The following POLI variants were observed in gnomAD, a reference collection of about 807,000 sequenced individuals.
The protein encoded by POLI is DNA polymerase iota.
POLI carries 58 observed loss-of-function variants against 51.6 expected under a neutral mutation model. The observed-to-expected ratio is 1.12, with a 90% CI of 0.91 to 1.40. POLI has a LOEUF of 1.40. Ranked by LOEUF, POLI falls within the 40% of genes most tolerant of loss-of-function variation. POLI has a pLI of 0.00. For missense variants in POLI, 921 were observed against 871.3 expected, an observed-to-expected ratio of 1.06 and a Z score of -0.72; for synonymous variants, 322 against 299.7, an observed-to-expected ratio of 1.07 and a Z score of -0.77.
At chr18:54,304,931 T>C (rs1002948461) in intron 3 of POLI, among the ~76,000 whole-genome samples, 1 of 152,212 alleles carries the variant, frequency 6.6e-6, no homozygotes, top group Non-Finnish European at 1.5e-5. Flanking sequence ...CTTGAATTAA[T>C]TTTTGTATAA....
In POLI at chr18:54,277,830, G is replaced by A. The variant is rs779818486; in HGVS notation, c.534G>A (p.Val178=). 6.2e-7 allele frequency: 1 copy of A among 1,612,736 alleles called. No homozygotes were observed. Among genetic ancestry groups the A allele is most frequent in the Non-Finnish European group, 8.5e-7 (1 of 1,179,138 alleles). The change falls in exon 4 of 10, where the codon GTG becomes GTA. Residue 178 remains valine (V), a synonymous_variant. Transcript: ENST00000579534. ...LQSDELSAVT[V]SGHVYNNQSI... is the part of the protein sequence containing the mutation. ...GTGATGAACTTTCTGCGGTGACTGTGTCGGGTCATGTATACAATAATCAGT... is the reference window on the plus strand; with the variant it reads ...GTGATGAACTTTCTGCGGTGACTGTATCGGGTCATGTATACAATAATCAGT...
Position 54,291,918 on chromosome 18 carries a change from T to C in POLI, c.1284T>C (p.Leu428=). The C allele has an allele frequency of 1.9e-6, 3 of 1,609,704 alleles. No individual in the cohort carries two copies. Among genetic ancestry groups the C allele is most frequent in the Non-Finnish European group, 1.7e-6 (2 of 1,176,422 alleles). Residue 428 remains leucine (L), a synonymous_variant, in exon 9 of 10, where the codon CTT becomes CTC. Coordinates refer to ENST00000579534, the MANE Select transcript of POLI (RefSeq NM_007195.3). ...TGAATGTGAAGATGCCATTTCACCT[T>C]ACCCTTCTAAGTGTGTGCTTCTGCA... ...NMVNVKMPFH[L]TLLSVCFCNL...
rs771927201 is a variant in POLI, at chr18:54,271,357, C to G, written c.116-3C>G. 5.0e-6 allele frequency: 8 copies of G among 1,609,672 alleles called. No individual in the cohort carries two copies. The highest frequency in any genetic ancestry group is 6.8e-6 in the Non-Finnish European group (8 of 1,177,976). On this transcript the variant is annotated splice_region_variant and splice_polypyrimidine_tract_variant and intron_variant, in intron 1 of 9. Transcript: ENST00000579534. ...TCTTTTTATTTCTTTGCATATTGTG[C>G]AGGAGTTCATGATCAAGTGTTGCCC...
At chr18:54,314,507 C>T (rs1409633660) in intron 3 of POLI, among the ~76,000 whole-genome samples, 1 of 151,972 alleles carries the variant, frequency 6.6e-6, no homozygotes, top group Non-Finnish European at 1.5e-5. Context: ...AGTGGGGAGT[C>T]CCTCCTCCTC....
rs3730694 is a variant in POLI, at chr18:54,272,442, T to G, written c.241+957T>G. Among the ~76,000 whole-genome samples the G allele has an allele frequency of 1.7e-3, 262 of 152,246 alleles. 2 individuals carry two copies. Among genetic ancestry groups the G allele is most frequent in the African/African-American group, 5.8e-3 (242 of 41,532 alleles). On this transcript the variant is annotated intron_variant, in intron 2 of 9. Transcript: ENST00000579534. ...GAGGGATATGAATGCTCCATGTTTT[T>G]GGGGGAAAACGAAAGTAGTCTTTCA...
intron 3 of POLI, among the ~76,000 whole-genome samples, chr18:54,312,008 A>G (rs1178749595): frequency 1.3e-5 from 2 of 152,164 alleles, no homozygotes; most frequent in Admixed American, 6.6e-5. Flanking sequence ...ACAGAGATAT[A>G]TTGCATGATG....
chr18:54,293,645 C>G lies in POLI; in HGVS notation c.1405-4C>G. 2 of 1,539,794 alleles carry G rather than the reference C, an allele frequency of 1.3e-6. No individual in the cohort carries two copies. Among genetic ancestry groups the G allele is most frequent in the Non-Finnish European group, 1.7e-6 (2 of 1,145,026 alleles). ...TAAATTAGTCTGTTATTCTTGTGTT[C>G]TAGAAAATGAAAGACACTCATATGG... On this transcript the variant is annotated splice_region_variant and splice_polypyrimidine_tract_variant and intron_variant, in intron 9 of 9. Transcript: ENST00000579534.
rs757784947 is a variant in POLI, at chr18:54,269,645, G to A, written c.99G>A (p.Ala33=). ...CCATGGAACTGGCGGACGTGGGGGC[G>A]GCAGCCAGCTCGCAGGGTGCGCCGC... ...AWAMELADVG[A]AASSQGVHDQ... Residue 33 remains alanine (A), a synonymous_variant, in exon 1 of 10, where the codon GCG becomes GCA. Coordinates refer to ENST00000579534, the MANE Select transcript of POLI (RefSeq NM_007195.3). 1.3e-5 allele frequency: 19 copies of A among 1,508,272 alleles called. No individual in the cohort carries two copies. In the Admixed American group the frequency reaches 3.7e-4, roughly 30 times the overall value. 93.4% of individuals were successfully genotyped at this position (1,508,272 alleles called of 1,614,324 possible). A position where few individuals can be genotyped will look rare whatever the true frequency, so the allele number is the denominator to read the frequency against.
chr18:54,276,137 G>T (rs1046595772), intron 3 of POLI, among the ~76,000 whole-genome samples: 1 of 152,010 alleles, frequency 6.6e-6, no homozygotes, highest in African/African-American at 2.4e-5. Context: ...CCAACACTTT[G>T]GGAGGCTGTG....
chr18:54,318,914 T>G (rs1452182099), intron 3 of POLI, among the ~76,000 whole-genome samples: 1 of 152,232 alleles, frequency 6.6e-6, no homozygotes, highest in Non-Finnish European at 1.5e-5. Context: ...CTATAGATAC[T>G]GGAATACCTT....
chr18:54,314,033 C>T (rs1170404307), intron 3 of POLI, among the ~76,000 whole-genome samples: 2 of 152,092 alleles, frequency 1.3e-5, no homozygotes, highest in Admixed American at 1.3e-4. Flanking sequence ...TTCTGATTTT[C>T]AAAGGGAATG....
chr18:54,285,263 C>T (rs867230744), intron 7 of POLI, among the ~76,000 whole-genome samples: 7 of 152,160 alleles, frequency 4.6e-5, no homozygotes, highest in Admixed American at 6.5e-5. Flanking sequence ...GAAGACTACC[C>T]TGAAATGCCT....
rs1381248185 is a variant in POLI, at chr18:54,283,031, T to C, written c.975+16T>C. 1 of 1,505,404 alleles carries C rather than the reference T, an allele frequency of 6.6e-7. No individual in the cohort carries two copies. Among genetic ancestry groups the C allele is most frequent in the Admixed American group, 1.8e-5 (1 of 54,744 alleles). 93.3% of individuals were successfully genotyped at this position (1,505,404 alleles called of 1,614,324 possible). On this transcript the variant is annotated intron_variant, in intron 6 of 9. Coordinates refer to ENST00000579534, the MANE Select transcript of POLI (RefSeq NM_007195.3). ...ACCACCTCAGGTACATGATGATACT[T>C]ATTTTAATTAAGTACTGGTTATCAC...
intron 9 of POLI, among the ~76,000 whole-genome samples, chr18:54,292,316 A>G (rs1269688960): frequency 4.6e-5 from 7 of 152,142 alleles, no homozygotes; most frequent in Non-Finnish European, 1.0e-4. Context: ...TAGTATATAA[A>G]AATATGATGG....
chr18:54,271,658 C>T (rs1470273155), intron 2 of POLI, among the ~76,000 whole-genome samples, 173 bp downstream of exon 2: 2 of 152,152 alleles, frequency 1.3e-5, no homozygotes. Flanking sequence ...TTACAAGCCT[C>T]ATTTAATAAG....
intron 3 of POLI, among the ~76,000 whole-genome samples, chr18:54,316,972 CT>C (rs1251995323): frequency 3.1e-4 from 47 of 152,260 alleles, no homozygotes; most frequent in Admixed American, 1.7e-3. Context: ...GAGAGTAGAA[CT>C]GTTTCATCTC....
At chr18:54,303,946 G>A (rs1166500868) in intron 3 of POLI, among the ~76,000 whole-genome samples, 6 of 150,494 alleles carry the variant, frequency 4.0e-5, no homozygotes, top group Admixed American at 6.6e-5. Flanking sequence ...GGTGTGTGAT[G>A]TTCCCTGCCC....
chr18:54,309,724 G>A (rs562624202), intron 3 of POLI, among the ~76,000 whole-genome samples: 7 of 152,304 alleles, frequency 4.6e-5, no homozygotes, highest in East Asian at 1.9e-4. Context: ...ATTGAGCTGC[G>A]GTGGGCTCCA....
At chr18:54,300,683 GA>G (rs1404210408), downstream of POLI, among the ~76,000 whole-genome samples, 1 of 152,018 alleles carries the variant, frequency 6.6e-6, no homozygotes, top group Non-Finnish European at 1.5e-5. Flanking sequence ...CAGATTGCAT[GA>G]AAAAGTAGGA....
Sources: allele counts gnomAD v4.1 joint callset (sites outside exome capture counted in the v4.1 genomes callset), GRCh38; gene constraint gnomAD v4.1.1; transcripts MANE v1.5; gene names NCBI Gene and HGNC (gene_info 2026-07-23, HGNC 2026-07-21).